Variants in FIG4 observed in about 807,000 individuals in gnomAD.
FIG4 encodes polyphosphoinositide phosphatase.
Under a neutral mutation model 118.6 loss-of-function variants are expected in FIG4, and 112 were observed. The observed-to-expected ratio is 0.94, with a 90% CI of 0.81 to 1.11. The LOEUF (loss-of-function observed/expected upper bound fraction) is 1.11, where lower values mean the gene tolerates loss of function less well. Ranked by LOEUF, FIG4 falls within the 50% of genes least tolerant of loss-of-function variation. The pLI is 0.00. For synonymous variants in FIG4, 369 were observed against 381.2 expected (o/e 0.97, Z 0.37); for missense variants, 969 against 1,111.7 (o/e 0.87, Z 1.83).
Position 109,760,345 on chromosome 6 carries a change from T to G in FIG4, c.1233T>G (p.Ile411Met). ...AATTTTTGCCTCCTGAGCACACTAT[T>G]GTTTATATTCCCTGGGACATGGCCA... The part of the protein sequence containing the change: ...LNQFLPPEHT[I>M]VYIPWDMAKY... Residue 411 changes from isoleucine (I) to methionine (M), a missense_variant, in exon 11 of 23, where the codon ATT (isoleucine) becomes ATG (methionine). Transcript: ENST00000230124. 6.2e-7 allele frequency: 1 copy of G among 1,613,124 alleles called. No individual in the cohort carries two copies. The highest frequency in any genetic ancestry group is 1.1e-5 in the South Asian group (1 of 91,076).
chr6:109,771,788 G>A (rs1777472499), intron 15 of FIG4, among the ~76,000 whole-genome samples: 1 of 152,130 alleles, frequency 6.6e-6, no homozygotes, highest in Admixed American at 6.5e-5. Flanking sequence ...TCCATCTTAA[G>A]TGAAACCTTG....
intron 5 of FIG4, 94 bp from the exon 6 acceptor site, chr6:109,735,056 A>C: frequency 9.5e-7 from 1 of 1,057,178 alleles, no homozygotes; most frequent in Non-Finnish European, 1.5e-6. Flanking sequence ...GTGCTAAGTA[A>C]TTTAGTTCAC....
chr6:109,734,293 T>C (rs1776096047), intron 5 of FIG4, among the ~76,000 whole-genome samples: 1 of 151,554 alleles, frequency 6.6e-6, no homozygotes, highest in Non-Finnish European at 1.5e-5. Flanking sequence ...AATATATAGC[T>C]AGGCTCCTTT....
In FIG4 at chr6:109,743,169, T is replaced by C; in HGVS notation, c.936T>C (p.Ser312=). ...EQILCDASVM[S]FTAGSYSSYV... The stretch of plus-strand genomic sequence containing the variant: ...TACTCTGCGATGCTTCTGTGATGTC[T>C]TTCACTGCAGGAAGTTATTCTTCAT... The change falls in exon 9 of 23, where the codon TCT becomes TCC. Residue 312 remains serine, a synonymous_variant. Transcript: ENST00000230124. 6.2e-7 allele frequency: 1 copy of C among 1,612,964 alleles called. No homozygotes were observed. Among genetic ancestry groups the C allele is most frequent in the Non-Finnish European group, 8.5e-7 (1 of 1,179,146 alleles).
chr6:109,803,557 G>A (rs1778481722), intron 22 of FIG4, among the ~76,000 whole-genome samples: 2 of 152,078 alleles, frequency 1.3e-5, no homozygotes, highest in South Asian at 4.1e-4. Flanking sequence ...AGATTAGAGA[G>A]ATTCAATAAT....
At chr6:109,704,491 A>G (rs1345829285) in intron 1 of FIG4, among the ~76,000 whole-genome samples, 1 of 152,082 alleles carries the variant, frequency 6.6e-6, no homozygotes. Flanking sequence ...CCCTGTCTCT[A>G]CTAAAAATAC....
rs563250025 is a variant in FIG4 at position 109,693,731 on chromosome 6, CA to C, written c.66+2231del. 9.9e-5 allele frequency among the ~76,000 whole-genome samples: 15 copies of C among 152,184 alleles called. No homozygotes were observed. In the East Asian group the frequency reaches 1.2e-3, roughly 12 times the overall value. ...CCTGAGTGGACAAATCATTCATGGC[CA>C]GGGGGGGTCTGGCAGGAATGATTTA... is the stretch of plus-strand genomic sequence containing the variant. On this transcript the variant is annotated intron_variant, in intron 1 of 22. Transcript: ENST00000230124.
At chr6:109,752,894 C>G (rs964490331) in intron 10 of FIG4, among the ~76,000 whole-genome samples, 8 of 151,938 alleles carry the variant, frequency 5.3e-5, no homozygotes, top group African/African-American at 1.9e-4. Flanking sequence ...TTTTGGTGTT[C>G]TAGACATGAA....
At position 109,735,309 on chromosome 6, in the gene FIG4, T is replaced by C. The variant is rs967206450; in HGVS notation, c.646+11T>C. ...CACAAGGTGGAAGCGGTAGGTGGTCTTGATATATCTAATGTATATTAATGT... is the reference window on the plus strand; with the variant it reads ...CACAAGGTGGAAGCGGTAGGTGGTCCTGATATATCTAATGTATATTAATGT... On this transcript the variant is annotated intron_variant, in intron 6 of 22. Coordinates refer to ENST00000230124, the MANE Select transcript of FIG4 (RefSeq NM_014845.6). 3 of 1,606,128 alleles carry C rather than the reference T, an allele frequency of 1.9e-6. No homozygotes were observed. Among genetic ancestry groups the C allele is most frequent in the African/African-American group, 1.3e-5 (1 of 74,742 alleles).
chr6:109,707,820 A>C (rs528036880), intron 1 of FIG4, among the ~76,000 whole-genome samples: 21 of 152,256 alleles, frequency 1.4e-4, no homozygotes, highest in African/African-American at 5.1e-4. Context: ...ATGTTTAAAA[A>C]GTGTCACTTT....
intron 1 of FIG4, 123 bp downstream of exon 1, chr6:109,691,624 T>A: frequency 1.1e-6 from 1 of 932,796 alleles, no homozygotes. Context: ...CAAATCCCTG[T>A]CAAACACAGC....
chr6:109,779,327 C>T (rs1191304050), intron 16 of FIG4, among the ~76,000 whole-genome samples: 1 of 152,060 alleles, frequency 6.6e-6, no homozygotes, highest in East Asian at 1.9e-4. Flanking sequence ...TAATTTAAAC[C>T]CCTTGCTCAC....
At chr6:109,693,890 A>G (rs11153213) in intron 1 of FIG4, among the ~76,000 whole-genome samples, 51,345 of 138,430 alleles carry the variant, frequency 0.37, 9,228 homozygotes, top group South Asian at 0.45. Context: ...TAAAGATATA[A>G]GCAGAAAGGT....
rs116876791 is a variant in FIG4 at position 109,746,697 on chromosome 6, C to G, written c.1137+2925C>G. ...AGAGTAATGGAAAGTCATTAAACAT[C>G]TTGCATGGTTGAGAGGATCATTGTC... On this transcript the variant is annotated intron_variant, in intron 10 of 22. Coordinates refer to ENST00000230124, the MANE Select transcript of FIG4 (RefSeq NM_014845.6). 6.9e-3 allele frequency among the ~76,000 whole-genome samples: 1,054 copies of G among 152,244 alleles called. 22 individuals are homozygous for G. The highest frequency in any genetic ancestry group is 0.058 in the East Asian group (302 of 5,170).
chr6:109,782,244 C>A (rs1277828397), intron 16 of FIG4, among the ~76,000 whole-genome samples: 1 of 152,140 alleles, frequency 6.6e-6, no homozygotes, highest in African/African-American at 2.4e-5. Context: ...CATTGTTCTT[C>A]CTCTGGATAA....
intron 22 of FIG4, among the ~76,000 whole-genome samples, chr6:109,816,801 C>T (rs1406555681): frequency 2.6e-5 from 4 of 152,172 alleles, no homozygotes; most frequent in Non-Finnish European, 5.9e-5. Flanking sequence ...ATGACAAAGT[C>T]AATGGTAGCT....
At chr6:109,742,417 C>T (rs1217957026) in intron 8 of FIG4, among the ~76,000 whole-genome samples, 1 of 152,024 alleles carries the variant, frequency 6.6e-6, no homozygotes, top group Non-Finnish European at 1.5e-5. Flanking sequence ...TTGCAATAGA[C>T]AACTTGAGTT....
At chr6:109,750,487 A>G (rs1273622655) in intron 10 of FIG4, among the ~76,000 whole-genome samples, 2 of 151,908 alleles carry the variant, frequency 1.3e-5, no homozygotes, top group Admixed American at 1.3e-4. Flanking sequence ...TTTTTTTTCA[A>G]TTAGTTGAGC....
chr6:109,758,658 A>G, intron 10 of FIG4, among the ~76,000 whole-genome samples: 1 of 152,244 alleles, frequency 6.6e-6, no homozygotes, highest in Non-Finnish European at 1.5e-5. Context: ...AACTATCATC[A>G]GAGTGAACAG....
Sources: gnomAD v4.1 joint callset for allele counts (sites outside exome capture counted in the v4.1 genomes callset) on GRCh38, gnomAD v4.1.1 for gene constraint, MANE v1.5 for transcripts, NCBI Gene and HGNC (gene_info 2026-07-23, HGNC 2026-07-21) for gene names.